The following CCDC39 variants were observed in gnomAD, a reference collection of about 807,000 sequenced individuals.
CCDC39 encodes the protein coiled-coil domain 39 molecular ruler complex subunit.
In CCDC39, 113 loss-of-function variants were observed where a neutral mutation model predicts 121.0. That is an observed-to-expected ratio of 0.93 (90% CI 0.80 to 1.09). The LOEUF is 1.09. CCDC39 is among the 50% of genes least tolerant of loss of function. The pLI, the probability that CCDC39 is intolerant of heterozygous loss-of-function variation, is 0.00. For synonymous variants in CCDC39, 349 were observed against 352.2 expected (o/e 0.99, Z 0.10); for missense variants, 1,063 against 1,074.7 (o/e 0.99, Z 0.15).
intron 3 of CCDC39, among the ~76,000 whole-genome samples, chr3:180,661,636 C>T (rs772471358): frequency 1.1e-4 from 17 of 151,994 alleles, no homozygotes; most frequent in South Asian, 4.1e-4. Flanking sequence ...ATATAGTAAG[C>T]CTCAGTAAGT....
chr3:180,662,165 T>G (rs1179135869), intron 2 of CCDC39, among the ~76,000 whole-genome samples, 158 bp from the exon 3 acceptor site: 1 of 152,172 alleles, frequency 6.6e-6, no homozygotes, highest in Admixed American at 6.5e-5. Flanking sequence ...TACATTAGAC[T>G]GTGATTACAA....
At position 180,660,698 on chromosome 3, in the gene CCDC39, C is replaced by A. The variant is rs891215870; in HGVS notation, c.388G>T (p.Asp130Tyr). The A allele has an allele frequency of 1.2e-6, 2 of 1,602,554 alleles. No homozygotes were observed. The highest frequency in any genetic ancestry group is 3.4e-5 in the Admixed American group (2 of 58,560). ...CAGTTCATTTGACATTTCAAACCAT[C>A]CAATTTTTGAGTGGCTTTAAATATG... is the stretch of plus-strand genomic sequence containing the variant. The part of the protein sequence containing the change: ...NGIFKATQKL[D>Y]GLKCQMNWDQ... The change falls in exon 4 of 20, where the codon GAT becomes TAT. Residue 130 changes from aspartate (D) to tyrosine (Y), a missense_variant. Coordinates refer to ENST00000476379, the MANE Select transcript of CCDC39 (RefSeq NM_181426.2).
At chr3:180,677,155 AATAATAATAATTTT>A (rs1224633846) in intron 1 of CCDC39, among the ~76,000 whole-genome samples, 4 of 104,618 alleles carry the variant, frequency 3.8e-5, no homozygotes, top group African/African-American at 1.3e-4. Flanking sequence ...TAATAATAAT[AATAATAATAATTTT>A]ATATATATAT....
At chr3:180,654,691 T>A in intron 7 of CCDC39, 71 bp downstream of exon 7, 1 of 1,038,136 alleles carries the variant, frequency 9.6e-7, no homozygotes, top group Non-Finnish European at 1.3e-6. Flanking sequence ...CAGGAAAAGC[T>A]TTATGCTTAT....
intron 16 of CCDC39, 38 bp from the exon 17 acceptor site, chr3:180,617,004 G>T: frequency 9.1e-7 from 1 of 1,104,588 alleles, no homozygotes; most frequent in Non-Finnish European, 1.2e-6. Flanking sequence ...TTTAGAATCA[G>T]AAATTGACTT....
chr3:180,622,078 T>TC (rs1171390292), intron 14 of CCDC39, among the ~76,000 whole-genome samples: 1 of 152,176 alleles, frequency 6.6e-6, no homozygotes, highest in Non-Finnish European at 1.5e-5. Flanking sequence ...TACCTTTGTG[T>TC]CATCTATAAT....
chr3:180,667,909 T>C (rs986849854), intron 1 of CCDC39, among the ~76,000 whole-genome samples: 1 of 152,142 alleles, frequency 6.6e-6, no homozygotes, highest in African/African-American at 2.4e-5. Context: ...AATAGCCTTA[T>C]TGCTGAAATG....
chr3:180,673,384 C>T (rs1712102845), intron 1 of CCDC39, among the ~76,000 whole-genome samples: 1 of 152,216 alleles, frequency 6.6e-6, no homozygotes, highest in Non-Finnish European at 1.5e-5. Flanking sequence ...CTTGAACCTT[C>T]AGCCACCACC....
intron 14 of CCDC39, among the ~76,000 whole-genome samples, chr3:180,623,078 T>TTTATTATTATTA (rs60546376): frequency 6.2e-5 from 9 of 144,978 alleles, no homozygotes; most frequent in East Asian, 2.0e-4. Context: ...TTTGGAGATT[T>TTTATTATTATTA]TTATTATTAT....
intron 7 of CCDC39, among the ~76,000 whole-genome samples, chr3:180,654,457 T>A (rs907002779): frequency 8.6e-5 from 13 of 151,400 alleles, no homozygotes; most frequent in Non-Finnish European, 4.4e-5. Flanking sequence ...TACATCAAAC[T>A]AAAAACTTTC....
Position 180,647,195 on chromosome 3 carries a change from C to A in CCDC39, c.1411G>T (p.Glu471Ter). ...VERRMSRLKG[E>*]INSEEKQALE... is the part of the protein sequence containing the mutation. The stretch of plus-strand genomic sequence containing the variant: ...GCTTGTTTTTCTTCTGAATTAATTT[C>A]TCCCTTTAACCGTGACATTCTCCGT... Residue 471 changes from glutamate (E) to a stop codon, truncating the protein, a stop_gained, in exon 11 of 20, where the codon GAA (glutamate) becomes TAA (stop). Transcript: ENST00000476379. LOFTEE classifies it high-confidence loss of function. 5 of 1,610,600 alleles carry A rather than the reference C, an allele frequency of 3.1e-6. No individual in the cohort carries two copies. Among genetic ancestry groups the A allele is most frequent in the Non-Finnish European group, 4.2e-6 (5 of 1,178,586 alleles).
At chr3:180,657,089 CTCTT>C (rs1711599569) in intron 6 of CCDC39, among the ~76,000 whole-genome samples, 2 of 152,304 alleles carry the variant, frequency 1.3e-5, no homozygotes, top group South Asian at 2.1e-4. Context: ...TCCAAGAACA[CTCTT>C]TCAGGGTCTG....
Position 180,660,672 on chromosome 3 carries a change from C to T in CCDC39, c.414G>A (p.Trp138Ter), listed in dbSNP as rs1711721348. 6.2e-7 allele frequency: 1 copy of T among 1,602,898 alleles called. No homozygotes were observed. The highest frequency in any genetic ancestry group is 1.1e-5 in the South Asian group (1 of 88,906). ...KLDGLKCQMN[W>*]DQQALEAWLE... ...ACCAGGCCTCCAATGCTTGCTGGTC[C>T]CAGTTCATTTGACATTTCAAACCAT... is the stretch of plus-strand genomic sequence containing the variant. Residue 138 changes from tryptophan (W) to a stop codon, truncating the protein, a stop_gained, in exon 4 of 20, where the codon TGG becomes TGA. Coordinates refer to ENST00000476379, the MANE Select transcript of CCDC39 (RefSeq NM_181426.2). LOFTEE classifies it high-confidence loss of function.
rs1466551198 is a variant in CCDC39, at chr3:180,676,032, A to G, written c.90+3259T>C. Among the ~76,000 whole-genome samples the G allele has an allele frequency of 2.0e-5, 3 of 152,190 alleles. No homozygotes were observed. In the East Asian group the frequency reaches 5.8e-4, roughly 29 times the overall value. On this transcript the variant is annotated intron_variant, in intron 1 of 19. Coordinates refer to ENST00000476379, the MANE Select transcript of CCDC39 (RefSeq NM_181426.2). ...AGACTTAAATGTTAGACCTAAAACC[A>G]TAAAAACCCTAGAAGAAAACCTAGG...
intron 6 of CCDC39, among the ~76,000 whole-genome samples, chr3:180,657,977 C>A (rs1164301474): frequency 2.0e-5 from 3 of 151,150 alleles, no homozygotes; most frequent in Non-Finnish European, 4.4e-5. Flanking sequence ...CGGTGGCTCA[C>A]GCCTGTAATC....
intron 1 of CCDC39, among the ~76,000 whole-genome samples, chr3:180,678,027 C>T (rs1712282963): frequency 6.6e-6 from 1 of 152,068 alleles, no homozygotes; most frequent in African/African-American, 2.4e-5. Context: ...TCCTGTGTGA[C>T]ACATATTATG....
Position 180,661,863 on chromosome 3 carries a change from C to T in CCDC39, c.355G>A (p.Glu119Lys). ...TTAAGTAATATTTCAACATATACTT[C>T]TTTATCACTTTTCTTTTCCAGTATT... ...ASILEKKSDK[E>K]NGIFKATQKL... Residue 119 changes from glutamate to lysine, a missense_variant and splice_region_variant, in exon 3 of 20, where the codon GAA becomes AAA. Glu to Lys is a moderately conservative substitution (Grantham distance 56, BLOSUM62 1). Coordinates refer to ENST00000476379, the MANE Select transcript of CCDC39 (RefSeq NM_181426.2). The T allele has an allele frequency of 6.3e-7, 1 of 1,579,046 alleles. No homozygotes were observed. Among genetic ancestry groups the T allele is most frequent in the Non-Finnish European group, 8.6e-7 (1 of 1,160,510 alleles).
intron 14 of CCDC39, among the ~76,000 whole-genome samples, chr3:180,623,921 G>A (rs1233786679): frequency 6.6e-6 from 1 of 151,940 alleles, no homozygotes; most frequent in African/African-American, 2.4e-5. Context: ...TGGGTAGAAT[G>A]TTCTGTAGAT....
At chr3:180,654,046 G>A (rs540213808) in intron 7 of CCDC39, among the ~76,000 whole-genome samples, 2 of 147,268 alleles carry the variant, frequency 1.4e-5, no homozygotes, top group Non-Finnish European at 3.0e-5. Context: ...AAGGCTGACT[G>A]TACTGGCAAA....
Sources: gnomAD v4.1 joint callset for allele counts (sites outside exome capture counted in the v4.1 genomes callset) on GRCh38, gnomAD v4.1.1 for gene constraint, MANE v1.5 for transcripts, NCBI Gene and HGNC (gene_info 2026-07-23, HGNC 2026-07-21) for gene names.